SLIT1: variants seen among roughly 807,000 people sequenced by gnomAD.
The protein encoded by SLIT1 is slit guidance ligand 1, also known as slit homolog 1 protein.
Under a neutral mutation model 186.1 loss-of-function variants are expected in SLIT1, and 66 were observed. That is an observed-to-expected ratio of 0.35 (90% CI 0.29 to 0.44). SLIT1 has a LOEUF of 0.44. Among genes scored for constraint, SLIT1 ranks in the 20% least tolerant of loss-of-function variants. The pLI, the probability that SLIT1 is intolerant of heterozygous loss-of-function variation, is 1.00. For synonymous variants in SLIT1, 761 were observed against 833.8 expected (o/e 0.91, Z 1.50); for missense variants, 1,638 against 2,037.4 (o/e 0.80, Z 3.77).
chr10:97,164,500 T>A (rs147753611), intron 2 of SLIT1, among the ~76,000 whole-genome samples: 111 of 152,270 alleles, frequency 7.3e-4, no homozygotes, highest in South Asian at 1.9e-3. Flanking sequence ...GCTTGTCAGC[T>A]CTGACCTCAG....
In SLIT1 at chr10:97,185,626, C is replaced by G. The variant is rs1850402515; in HGVS notation, c.49G>C (p.Glu17Gln). 1 of 1,546,294 alleles carries G rather than the reference C, an allele frequency of 6.5e-7. No homozygotes were observed. Among genetic ancestry groups the G allele is most frequent in the Non-Finnish European group, 8.7e-7 (1 of 1,147,372 alleles). Residue 17 changes from glutamate (E) to glutamine (Q), a missense_variant, in exon 1 of 37, where the codon GAG becomes CAG. Coordinates refer to ENST00000266058, the MANE Select transcript of SLIT1 (RefSeq NM_003061.3). ...GCTGCCCACAGCAGCAGCCAGAGCT[C>G]CGGCCGGACCGGCCCCGCCGAGGAC... is the stretch of plus-strand genomic sequence containing the variant. ...WGSSAGPVRPELWLLLWAAAW... is the reference protein window; with the variant it reads ...WGSSAGPVRPQLWLLLWAAAW...
intron 20 of SLIT1, among the ~76,000 whole-genome samples, chr10:97,040,912 G>T (rs1215563584): frequency 2.0e-5 from 3 of 152,206 alleles, no homozygotes; most frequent in Non-Finnish European, 4.4e-5. Flanking sequence ...GTGACCATCA[G>T]TTATGCAGGT....
intron 25 of SLIT1, among the ~76,000 whole-genome samples, chr10:97,024,494 G>A (rs985420735): frequency 6.6e-6 from 1 of 152,216 alleles, no homozygotes; most frequent in Non-Finnish European, 1.5e-5. Context: ...TTCGACCTCG[G>A]CATGTGTTTC....
intron 24 of SLIT1, among the ~76,000 whole-genome samples, chr10:97,031,365 G>A (rs966999143): frequency 1.6e-4 from 24 of 152,126 alleles, no homozygotes; most frequent in African/African-American, 5.6e-4. Flanking sequence ...TGGATGTCCC[G>A]CCCCTACCAC....
Position 97,064,879 on chromosome 10 carries a change from G to A in SLIT1, c.486-3C>T, listed in dbSNP as rs1435264534. The A allele has an allele frequency of 6.2e-7, 1 of 1,612,348 alleles. No homozygotes were observed. On this transcript the variant is annotated splice_region_variant and splice_polypyrimidine_tract_variant and intron_variant, in intron 5 of 36. Transcript: ENST00000266058. ...TGATCTGGTTCTTGTCCAGCTGTCT[G>A]TGAAGCAAAGGAAGGTTGTAGAGAG... is the stretch of plus-strand genomic sequence containing the variant.
Position 97,000,925 on chromosome 10 carries a change from CTG to C in SLIT1, c.*185_*186del. On this transcript the variant is annotated 3_prime_UTR_variant, in exon 37 of 37. Transcript: ENST00000266058. ...GCAGCTCAGGCCTCGCCCACCCCCGCTGCCCCCAGCTATGGCGCAATTTGCTT... is the reference window on the plus strand; with the variant it reads ...GCAGCTCAGGCCTCGCCCACCCCCGCCCCCCAGCTATGGCGCAATTTGCTT... 1.7e-6 allele frequency: 1 copy of C among 597,464 alleles called. No individual in the cohort carries two copies. Among genetic ancestry groups the C allele is most frequent in the Admixed American group, 3.0e-5 (1 of 33,866 alleles). The allele number at this position is 597,464 out of a possible 1,614,324, so 37.0% of individuals were successfully genotyped here.
chr10:97,001,011 C>T lies in SLIT1; in HGVS notation c.*101G>A. ...AGGGCCCAGCTGCCCAGGAGCCGTCCTGTGATGACCTGCACCCCAGCCCAG... is the reference window on the plus strand; with the variant it reads ...AGGGCCCAGCTGCCCAGGAGCCGTCTTGTGATGACCTGCACCCCAGCCCAG... On this transcript the variant is annotated 3_prime_UTR_variant, in exon 37 of 37. Transcript: ENST00000266058. The T allele has an allele frequency of 1.1e-6, 1 of 940,006 alleles. No individual in the cohort carries two copies. The highest frequency in any genetic ancestry group is 1.6e-6 in the Non-Finnish European group (1 of 611,118). 58.2% of individuals were successfully genotyped at this position (940,006 alleles called of 1,614,324 possible). A position where few individuals can be genotyped will look rare whatever the true frequency, so the allele number is the denominator to read the frequency against.
At chr10:97,170,008 C>T (rs764459750) in intron 1 of SLIT1, among the ~76,000 whole-genome samples, 1 of 152,240 alleles carries the variant, frequency 6.6e-6, no homozygotes, top group Non-Finnish European at 1.5e-5. Context: ...GCCCTCACCT[C>T]GAGTGGCCAT....
At chr10:97,165,521 G>A (rs996788439) in intron 1 of SLIT1, among the ~76,000 whole-genome samples, 2 of 152,134 alleles carry the variant, frequency 1.3e-5, no homozygotes, top group Non-Finnish European at 2.9e-5. Flanking sequence ...GGGAGCAGAC[G>A]TGCCCCAAGG....
intron 4 of SLIT1, among the ~76,000 whole-genome samples, chr10:97,150,861 C>A (rs760123911): frequency 7.2e-5 from 11 of 152,160 alleles, no homozygotes; most frequent in Admixed American, 2.6e-4. Context: ...ATCAGGTTTC[C>A]AGCATATCCC....
chr10:97,125,283 T>TAAGAGCAAA (rs3039940), intron 4 of SLIT1, among the ~76,000 whole-genome samples: 76,799 of 151,472 alleles, frequency 0.51, 21,397 homozygotes, highest in Non-Finnish European at 0.62. Flanking sequence ...ACAATGTTTA[T>TAAGAGCAAA]AAGACTGAAA....
At chr10:97,052,078 T>C (rs983184835) in intron 13 of SLIT1, among the ~76,000 whole-genome samples, 1 of 150,464 alleles carries the variant, frequency 6.6e-6, no homozygotes, top group Non-Finnish European at 1.5e-5. Context: ...AGATGGCATA[T>C]TGTATGATTC....
rs1848511250 is a variant in SLIT1, at chr10:97,022,584, C to T, written c.2583-1171G>A. 6.6e-6 allele frequency among the ~76,000 whole-genome samples: 1 copy of T among 152,182 alleles called. No individual in the cohort carries two copies. The highest frequency in any genetic ancestry group is 2.4e-5 in the African/African-American group (1 of 41,438). On this transcript the variant is annotated intron_variant, in intron 25 of 36. Transcript: ENST00000266058. This position sits in a 1 kb window ranked among gnomAD's most constrained non-coding sequence, Gnocchi z 4.2. ...TGACTTATGCAATTGCCTTCTGATC[C>T]AGCCATTGTTTCTGGGCGTTTACCT...
At chr10:97,145,681 G>C (rs1269601256) in intron 4 of SLIT1, among the ~76,000 whole-genome samples, 1 of 152,084 alleles carries the variant, frequency 6.6e-6, no homozygotes, top group African/African-American at 2.4e-5. Context: ...TTAAGACTTG[G>C]GTATGGGGTT....
chr10:97,047,872 G>A (rs748314704), intron 15 of SLIT1, 38 bp from the exon 16 acceptor site: 21 of 1,612,820 alleles, frequency 1.3e-5, no homozygotes, highest in Admixed American at 3.3e-5. Context: ...TGAGGAGCCC[G>A]GGGCCGGCTC....
In SLIT1 at chr10:97,047,975, G is replaced by T. The variant is rs764680942; in HGVS notation, c.1487C>A (p.Pro496Gln). ...CTTGGATCCCCCCACTCTCCTACCT[G>T]GAATGAAGTACTGCTCTTTGGCTGG... ...RCSAKEQYFI[P>Q]GTEDYQLNSE... Residue 496 changes from proline to glutamine, a missense_variant and splice_region_variant, in exon 15 of 37, where the codon CCA (proline) becomes CAA (glutamine). By Grantham distance (76) the Pro-to-Gln change is moderately conservative (BLOSUM62 -1). Transcript: ENST00000266058. 6.2e-7 allele frequency: 1 copy of T among 1,614,080 alleles called. No homozygotes were observed. The highest frequency in any genetic ancestry group is 8.5e-7 in the Non-Finnish European group (1 of 1,179,944).
intron 1 of SLIT1, 52 bp from the exon 2 acceptor site, chr10:97,164,942 A>T: frequency 7.1e-7 from 1 of 1,411,872 alleles, no homozygotes; most frequent in Non-Finnish European, 1.0e-6. Context: ...GTAAGCCCCC[A>T]GGCCAGGGGC....
At chr10:97,075,998 G>A (rs955268955) in intron 4 of SLIT1, among the ~76,000 whole-genome samples, 3 of 152,138 alleles carry the variant, frequency 2.0e-5, no homozygotes, top group Admixed American at 6.5e-5. Context: ...AGAGAGGGAA[G>A]AGCAGCTACC....
intron 2 of SLIT1, among the ~76,000 whole-genome samples, chr10:97,164,456 GTTGGGGGTTT>G (rs1407460503): frequency 2.0e-5 from 3 of 152,224 alleles, no homozygotes; most frequent in African/African-American, 7.2e-5. Context: ...AGCGGCAGAG[GTTGGGGGTTT>G]CTGGAGCAGA....
Sources: allele counts gnomAD v4.1 joint callset (sites outside exome capture counted in the v4.1 genomes callset), GRCh38; gene constraint gnomAD v4.1.1; non-coding constraint Gnocchi (gnomAD v3.1); transcripts MANE v1.5; gene names NCBI Gene and HGNC (gene_info 2026-07-23, HGNC 2026-07-21).